DNAI3: variants seen among roughly 807,000 people sequenced by gnomAD.
The protein encoded by DNAI3 is WD repeat domain 63.
In DNAI3, 83 loss-of-function variants were observed where a neutral mutation model predicts 115.5. The ratio of observed to expected loss-of-function variants is 0.72; its 90% CI spans 0.60 to 0.86. The LOEUF (loss-of-function observed/expected upper bound fraction) is 0.86, where lower values mean the gene tolerates loss of function less well. DNAI3 is among the 40% of genes least tolerant of loss of function. DNAI3 has a pLI of 0.00. For missense variants in DNAI3, 1,004 were observed against 1,075.8 expected, an observed-to-expected ratio of 0.93 and a Z score of 0.93; for synonymous variants, 320 against 347.0, an observed-to-expected ratio of 0.92 and a Z score of 0.86.
chr1:85,076,861 G>A (rs112924793), intron 3 of DNAI3, among the ~76,000 whole-genome samples: 4,191 of 152,174 alleles, frequency 0.028, 172 homozygotes, highest in African/African-American at 0.096. Context: ...AATAGCACAG[G>A]CTTTGGAATT....
chr1:85,103,888 A>AAATAATAATAATAAT (rs71075819), intron 13 of DNAI3, among the ~76,000 whole-genome samples: 3 of 140,442 alleles, frequency 2.1e-5, no homozygotes, highest in Non-Finnish European at 3.0e-5. Flanking sequence ...TGCCTTCTCA[A>AAATAATAATAATAAT]AATAATAATA....
At chr1:85,092,604 G>A (rs1447292963) in intron 8 of DNAI3, among the ~76,000 whole-genome samples, 2 of 152,092 alleles carry the variant, frequency 1.3e-5, no homozygotes, top group Non-Finnish European at 2.9e-5. Flanking sequence ...CTTTAAGACA[G>A]GAGCCTGTCA....
intron 18 of DNAI3, among the ~76,000 whole-genome samples, chr1:85,123,511 G>A (rs1031109632): frequency 1.3e-5 from 2 of 152,156 alleles, no homozygotes; most frequent in African/African-American, 4.8e-5. Flanking sequence ...ACTTTGGTGT[G>A]TGTTGTTTCC....
chr1:85,094,273 TA>T (rs1170594553), intron 9 of DNAI3, 157 bp from the exon 10 acceptor site: 26 of 911,682 alleles, frequency 2.9e-5, no homozygotes, highest in Non-Finnish European at 3.8e-5. Context: ...AGCATGTAAC[TA>T]GTGGCAACCA....
chr1:85,104,444 A>G lies in DNAI3; in HGVS notation c.1480-80A>G, dbSNP rs1480296403. ...CCGGTATGTTCTTTTATTAACATTT[A>G]AAACAAAGAAGAAAAGAATTTAAAA... On this transcript the variant is annotated intron_variant, in intron 13 of 22. Transcript: ENST00000294664. The G allele has an allele frequency of 4.0e-6, 5 of 1,262,808 alleles. No homozygotes were observed. In the African/African-American group the frequency reaches 7.5e-5, roughly 19 times the overall value. The allele number at this position is 1,262,808 out of a possible 1,614,324, so 78.2% of individuals were successfully genotyped here.
intron 17 of DNAI3, among the ~76,000 whole-genome samples, chr1:85,120,999 C>T (rs941717897): frequency 5.3e-5 from 8 of 152,204 alleles, no homozygotes; most frequent in African/African-American, 1.9e-4. Context: ...TTTTTCTCTT[C>T]TCATCCAGTG....
intron 20 of DNAI3, 128 bp downstream of exon 20, chr1:85,126,843 T>C: frequency 2.3e-6 from 2 of 861,100 alleles, no homozygotes; most frequent in South Asian, 3.6e-5. Flanking sequence ...TCCCTTCTTA[T>C]CCCTTCCCTT....
intron 13 of DNAI3, among the ~76,000 whole-genome samples, chr1:85,099,696 G>A (rs921688704): frequency 7.9e-5 from 12 of 152,206 alleles, no homozygotes; most frequent in African/African-American, 2.9e-4. Flanking sequence ...AAAGCCGGAG[G>A]CATCACGCTA....
chr1:85,101,498 G>A (rs1276729666), intron 13 of DNAI3, among the ~76,000 whole-genome samples: 1 of 152,026 alleles, frequency 6.6e-6, no homozygotes, highest in African/African-American at 2.4e-5. Flanking sequence ...GCCGAGGCGG[G>A]CAGATCACGA....
At chr1:85,119,680 T>A (rs541019343) in intron 17 of DNAI3, among the ~76,000 whole-genome samples, 1 of 152,132 alleles carries the variant, frequency 6.6e-6, no homozygotes, top group South Asian at 2.1e-4. Context: ...CTCTGGCAGC[T>A]CTGTTTTTTC....
At chr1:85,073,672 A>T (rs139672416) in intron 3 of DNAI3, among the ~76,000 whole-genome samples, 20 of 152,338 alleles carry the variant, frequency 1.3e-4, no homozygotes, top group African/African-American at 4.1e-4. Flanking sequence ...AAGACCTAAA[A>T]GCCCTGTAGG....
At chr1:85,083,731 A>T (rs899768284) in intron 5 of DNAI3, among the ~76,000 whole-genome samples, 1 of 152,104 alleles carries the variant, frequency 6.6e-6, no homozygotes, top group Non-Finnish European at 1.5e-5. Flanking sequence ...TTAACAAAAG[A>T]AATAAATATT....
chr1:85,132,728 C>A, intron 22 of DNAI3, 127 bp from the exon 23 acceptor site: 6 of 1,184,010 alleles, frequency 5.1e-6, no homozygotes, highest in Non-Finnish European at 6.9e-6. Context: ...TGCCTTCCTG[C>A]CCTCCATCCA....
At chr1:85,068,564 C>T (rs1337058351) in intron 1 of DNAI3, among the ~76,000 whole-genome samples, 6 of 152,198 alleles carry the variant, frequency 3.9e-5, no homozygotes, top group Non-Finnish European at 8.8e-5. Context: ...CTCAACACAG[C>T]AGTCATATTG....
intron 7 of DNAI3, among the ~76,000 whole-genome samples, chr1:85,087,507 T>C (rs1051676671): frequency 2.0e-5 from 3 of 151,426 alleles, no homozygotes; most frequent in Non-Finnish European, 4.4e-5. Context: ...TCTATCCCCT[T>C]ACTCTATTTT....
intron 6 of DNAI3, 118 bp from the exon 7 acceptor site, chr1:85,085,713 G>C: frequency 1.3e-6 from 1 of 785,066 alleles, no homozygotes; most frequent in Non-Finnish European, 2.1e-6. Flanking sequence ...AGCATGCAGA[G>C]CTGGAGGTGC....
chr1:85,106,062 C>G (rs999971385), intron 14 of DNAI3, among the ~76,000 whole-genome samples: 2 of 152,112 alleles, frequency 1.3e-5, no homozygotes, highest in African/African-American at 4.8e-5. Context: ...ATCACTTGAA[C>G]CCAGGAGGCG....
At chr1:85,100,433 A>C (rs1655260360) in intron 13 of DNAI3, among the ~76,000 whole-genome samples, 2 of 152,232 alleles carry the variant, frequency 1.3e-5, no homozygotes, top group Admixed American at 1.3e-4. Context: ...ATACCATCTC[A>C]CACCAGTTAG....
chr1:85,131,657 T>C (rs189165365), intron 22 of DNAI3, among the ~76,000 whole-genome samples: 1 of 152,256 alleles, frequency 6.6e-6, no homozygotes, highest in Admixed American at 6.5e-5. Context: ...CAAATTGATC[T>C]TAGTTTTGTT....
Sources: gnomAD v4.1 joint callset for allele counts (sites outside exome capture counted in the v4.1 genomes callset) on GRCh38, gnomAD v4.1.1 for gene constraint, MANE v1.5 for transcripts, NCBI Gene and HGNC (gene_info 2026-07-23, HGNC 2026-07-21) for gene names.